CHMP4C: variants seen among roughly 807,000 people sequenced by gnomAD.
CHMP4C encodes SNF7 homolog associated with Alix 3.
CHMP4C carries 28 observed loss-of-function variants against 29.0 expected under a neutral mutation model. That is an observed-to-expected ratio of 0.97 (90% CI 0.72 to 1.32). The LOEUF (loss-of-function observed/expected upper bound fraction) is 1.32. Among genes scored for constraint, CHMP4C ranks in the 40% most tolerant of loss-of-function variants. The pLI is 0.00. For synonymous variants in CHMP4C, 106 were observed against 102.4 expected (o/e 1.04, Z -0.21); for missense variants, 291 against 281.0 (o/e 1.04, Z -0.25).
intron 3 of CHMP4C, 55 bp downstream of exon 3, chr8:81,755,539 C>G: frequency 9.9e-7 from 1 of 1,009,082 alleles, no homozygotes; most frequent in Admixed American, 1.8e-5. Context: ...AGAGTAGCTT[C>G]CTGTCATATA....
chr8:81,734,817 T>G (rs988178356), intron 1 of CHMP4C, among the ~76,000 whole-genome samples: 11 of 152,210 alleles, frequency 7.2e-5, no homozygotes, highest in East Asian at 1.9e-4. Context: ...ACAAAAAATT[T>G]AAAGACAGTG....
At chr8:81,753,330 G>A in intron 2 of CHMP4C, 89 bp downstream of exon 2, 5 of 964,160 alleles carry the variant, frequency 5.2e-6, no homozygotes, top group Non-Finnish European at 5.8e-6. Context: ...GGCAGGAATG[G>A]GTTTACTCAT....
intron 1 of CHMP4C, among the ~76,000 whole-genome samples, chr8:81,745,797 A>G (rs1046079811): frequency 1.3e-5 from 2 of 152,204 alleles, no homozygotes; most frequent in African/African-American, 2.4e-5. Flanking sequence ...ACAAAGGAAT[A>G]CAGTAGATTC....
intron 1 of CHMP4C, among the ~76,000 whole-genome samples, chr8:81,743,186 T>TG (rs1746855535): frequency 6.6e-6 from 1 of 151,844 alleles, no homozygotes; most frequent in Non-Finnish European, 1.5e-5. Context: ...TATGATATAT[T>TG]GCTGCATAAG....
At chr8:81,755,329 A>G in intron 2 of CHMP4C, 41 bp from the exon 3 acceptor site, 1 of 1,107,000 alleles carries the variant, frequency 9.0e-7, no homozygotes, top group Admixed American at 2.0e-5. Flanking sequence ...CATAATTATA[A>G]GTTAAAATTC....
At chr8:81,749,262 T>C (rs1433353331) in intron 1 of CHMP4C, among the ~76,000 whole-genome samples, 1 of 152,210 alleles carries the variant, frequency 6.6e-6, no homozygotes, top group Non-Finnish European at 1.5e-5. Flanking sequence ...CACTAATATC[T>C]ATTCATTTTA....
chr8:81,740,539 G>A (rs1300033423), intron 1 of CHMP4C, among the ~76,000 whole-genome samples: 3 of 152,134 alleles, frequency 2.0e-5, no homozygotes, highest in East Asian at 1.9e-4. Context: ...GGGAACCCCC[G>A]GAGCTAAGGC....
At position 81,732,496 on chromosome 8, in the gene CHMP4C, T is replaced by C; in HGVS notation, c.-131T>C. 1.6e-6 allele frequency: 1 copy of C among 641,810 alleles called. No homozygotes were observed. The allele number at this position is 641,810 out of a possible 1,614,324, so 39.8% of individuals were successfully genotyped here. On this transcript the variant is annotated 5_prime_UTR_variant, in exon 1 of 5. The change abolishes the stop of an existing upstream ORF in the 5' untranslated region. Transcript: ENST00000297265. ...GTGTCACCTGTCCAGGACGACTTGTTGATTCCCAGGAGGGCCGCCTTTCCG... is the reference window on the plus strand; with the variant it reads ...GTGTCACCTGTCCAGGACGACTTGTCGATTCCCAGGAGGGCCGCCTTTCCG...
chr8:81,737,628 G>C (rs767289709), intron 1 of CHMP4C, among the ~76,000 whole-genome samples: 4 of 152,156 alleles, frequency 2.6e-5, no homozygotes, highest in Non-Finnish European at 5.9e-5. Flanking sequence ...GCCAAATAAA[G>C]TCCCACATTT....
intron 1 of CHMP4C, among the ~76,000 whole-genome samples, chr8:81,750,820 G>A (rs1159583785): frequency 1.3e-5 from 2 of 151,912 alleles, no homozygotes; most frequent in Non-Finnish European, 2.9e-5. Context: ...TCAAGCTGAG[G>A]GAAGATTTGA....
In CHMP4C at chr8:81,759,349, G is replaced by C. The variant is rs1030979772; in HGVS notation, c.*805G>C. The C allele has an allele frequency of 1.3e-5, 2 of 152,364 alleles. No homozygotes were observed. Among genetic ancestry groups the C allele is most frequent in the Non-Finnish European group, 2.9e-5 (2 of 68,010 alleles). 9.4% of individuals were successfully genotyped at this position (152,364 alleles called of 1,614,324 possible). ...GTAATTTAGCCACTTAGGGAACTGC[G>C]TGAACACTCCCAGGCCATTATGATG... On this transcript the variant is annotated 3_prime_UTR_variant, in exon 5 of 5. Coordinates refer to ENST00000297265, the MANE Select transcript of CHMP4C (RefSeq NM_152284.4).
At chr8:81,752,109 C>T (rs776232919) in intron 1 of CHMP4C, among the ~76,000 whole-genome samples, 34 of 151,968 alleles carry the variant, frequency 2.2e-4, no homozygotes, top group Non-Finnish European at 3.5e-4. Flanking sequence ...AAGAAATGGA[C>T]GAAAACAGTT....
At position 81,753,208 on chromosome 8, in the gene CHMP4C, C is replaced by T. The variant is rs1808930521; in HGVS notation, c.335C>T (p.Ala112Val). Reference sequence around the variant, plus strand: ...GAGGTGTTGAGGAACATGGGCTTTGCAGCAAAAGCGATGAAATCTGTTCAT... The same window carrying T: ...GAGGTGTTGAGGAACATGGGCTTTGTAGCAAAAGCGATGAAATCTGTTCAT... ...NTEVLRNMGFAAKAMKSVHEN... is the reference protein window; with the variant it reads ...NTEVLRNMGFVAKAMKSVHEN... The change falls in exon 2 of 5, where the codon GCA becomes GTA. Residue 112 changes from alanine (A) to valine (V), a missense_variant. By Grantham distance (64) the Ala-to-Val change is moderately conservative (BLOSUM62 0). Coordinates refer to ENST00000297265, the MANE Select transcript of CHMP4C (RefSeq NM_152284.4). 3 of 1,606,166 alleles carry T rather than the reference C, an allele frequency of 1.9e-6. No homozygotes were observed. Among genetic ancestry groups the T allele is most frequent in the African/African-American group, 2.7e-5 (2 of 74,610 alleles).
Position 81,755,421 on chromosome 8 carries a change from T to C in CHMP4C, c.420T>C (p.Asp140=). The change falls in exon 3 of 5, where the codon GAT becomes GAC. Residue 140 remains aspartate (D), a synonymous_variant. Transcript: ENST00000297265. ...DLMQEITEQQ[D]IAQEISEAFS... The stretch of plus-strand genomic sequence containing the variant: ...TGCAAGAGATCACAGAGCAACAGGA[T>C]ATCGCCCAAGAAATCTCAGAAGCAT... 1 of 1,612,630 alleles carries C rather than the reference T, an allele frequency of 6.2e-7. No homozygotes were observed. Among genetic ancestry groups the C allele is most frequent in the East Asian group, 2.2e-5 (1 of 44,832 alleles).
intron 1 of CHMP4C, among the ~76,000 whole-genome samples, chr8:81,747,464 G>T (rs78652334): frequency 6.6e-5 from 10 of 151,984 alleles, no homozygotes; most frequent in African/African-American, 2.2e-4. Context: ...TTCCACTTCC[G>T]GGTATGTTGG....
At chr8:81,736,497 C>A (rs775426441) in intron 1 of CHMP4C, among the ~76,000 whole-genome samples, 1 of 152,074 alleles carries the variant, frequency 6.6e-6, no homozygotes, top group Non-Finnish European at 1.5e-5. Flanking sequence ...ATTGCTAAAA[C>A]AGTTTAGAGA....
chr8:81,737,482 A>G (rs1808706458), intron 1 of CHMP4C, among the ~76,000 whole-genome samples: 1 of 152,124 alleles, frequency 6.6e-6, no homozygotes, highest in South Asian at 2.1e-4. Flanking sequence ...GGCAATACAC[A>G]CCTTACAGGT....
chr8:81,755,383 A>G lies in CHMP4C; in HGVS notation c.382A>G (p.Ile128Val), dbSNP rs1808959363. The G allele has an allele frequency of 3.7e-6, 6 of 1,604,590 alleles. No homozygotes were observed. The highest frequency in any genetic ancestry group is 5.1e-6 in the Non-Finnish European group (6 of 1,172,654). The part of the protein sequence containing the change: ...SVHENMDLNK[I>V]DDLMQEITEQ... ...ATGATTTCCCAGGGATCTGAACAAA[A>G]TAGATGATTTGATGCAAGAGATCAC... is the stretch of plus-strand genomic sequence containing the variant. Residue 128 changes from isoleucine to valine, a missense_variant, in exon 3 of 5, where the codon ATA becomes GTA. Ile to Val is a conservative substitution (Grantham distance 29). Transcript: ENST00000297265.
intron 1 of CHMP4C, among the ~76,000 whole-genome samples, chr8:81,747,607 GC>G (rs1808844118): frequency 6.6e-6 from 1 of 152,030 alleles, no homozygotes; most frequent in Non-Finnish European, 1.5e-5. Flanking sequence ...TGGGGGACCT[GC>G]CCCAAAAATC....
Sources: gnomAD v4.1 joint callset for allele counts (sites outside exome capture counted in the v4.1 genomes callset) on GRCh38, gnomAD v4.1.1 for gene constraint, MANE v1.5 for transcripts, NCBI Gene and HGNC (gene_info 2026-07-23, HGNC 2026-07-21) for gene names.